Variants in ZNF117 observed in about 807,000 individuals in gnomAD.
ZNF117 encodes zinc finger protein 117, also known as Krueppel-related zinc finger protein.
ZNF117 carries 37 observed loss-of-function variants against 41.2 expected under a neutral mutation model. The ratio of observed to expected loss-of-function variants is 0.90; its 90% confidence interval spans 0.69 to 1.18. ZNF117 has a LOEUF of 1.18. ZNF117 is among the 50% of genes most tolerant of loss of function. ZNF117 has a pLI of 0.00. For missense variants in ZNF117, 546 were observed against 557.5 expected, an observed-to-expected ratio of 0.98 and a Z score of 0.21; for synonymous variants, 186 against 186.6, an observed-to-expected ratio of 1.00 and a Z score of 0.02.
At chr7:64,978,808 C>A (rs377026120) in exon 3 of ZNF117, 1 of 1,613,406 alleles carries the variant, frequency 6.2e-7, no homozygotes, top group Non-Finnish European at 8.5e-7. Flanking sequence ...AAAGCTTTGC[C>A]GCATTCTTCA....
chr7:64,984,418 T>C (rs913834844), upstream of ZNF117, among the ~76,000 whole-genome samples: 3 of 152,184 alleles, frequency 2.0e-5, no homozygotes, highest in Admixed American at 6.5e-5. Flanking sequence ...GATGAAGAAT[T>C]AGAATATTAC....
At chr7:64,978,112 T>A in exon 3 of ZNF117, 1 of 1,605,246 alleles carries the variant, frequency 6.2e-7, no homozygotes, top group Non-Finnish European at 8.5e-7. Context: ...TCAATGAGTT[T>A]TGAGGATCAG....
chr7:64,978,824 A>C lies in ZNF117; in HGVS notation c.747T>G (p.Tyr249Ter). ...AAGCTTTGCCGCATTCTTCACATTC[A>C]TAACGTTTCTCTCCGGTATGAATTA... is the stretch of plus-strand genomic sequence containing the variant. Residue 249 changes from tyrosine to a stop codon, truncating the protein, a stop_gained, in exon 3 of 3, where the codon TAT becomes TAG. Transcript: ENST00000620222. LOFTEE classifies it high-confidence loss of function. The C allele has an allele frequency of 6.2e-7, 1 of 1,613,476 alleles. No individual in the cohort carries two copies. Among genetic ancestry groups the C allele is most frequent in the Non-Finnish European group, 8.5e-7 (1 of 1,179,722 alleles).
downstream of ZNF117, chr7:64,974,401 C>A (rs904200001): frequency 6.6e-6 from 1 of 151,812 alleles, no homozygotes; most frequent in African/African-American, 2.4e-5. Context: ...GAAGATTTGG[C>A]AGTAATGAAT....
Position 64,989,452 on chromosome 7 carries a change from T to TATAC in ZNF117, c.-196+494_-196+495insGTAT, listed in dbSNP as rs1469133899. Among the ~76,000 whole-genome samples the TATAC allele has an allele frequency of 3.1e-3, 60 of 19,388 alleles. 1 individual carries two copies. The highest frequency in any genetic ancestry group is 0.015 in the South Asian group (14 of 916). 12.7% of individuals were successfully genotyped at this position (19,388 alleles called of 152,430 possible). A position where few individuals can be genotyped will look rare whatever the true frequency, so the allele number is the denominator to read the frequency against. Reference sequence around the variant, plus strand: ...AATGTAGAACTTAAAATTATATATATATATATATATATATATATATATATA... The same window carrying TATAC: ...AATGTAGAACTTAAAATTATATATATATACATATATATATATATATATATATATA... On this transcript the variant is annotated intron_variant, in intron 1 of 3. Transcript: ENST00000282869.
chr7:64,987,030 T>C (rs906601376), upstream of ZNF117, among the ~76,000 whole-genome samples: 6 of 152,102 alleles, frequency 3.9e-5, no homozygotes, highest in African/African-American at 1.4e-4. Context: ...TACTCTAAAA[T>C]TGACCACACA....
chr7:64,975,107 T>A (rs184624734), exon 3 of ZNF117: 2 of 152,078 alleles, frequency 1.3e-5, no homozygotes, highest in Non-Finnish European at 2.9e-5. Flanking sequence ...TCCACTCTGT[T>A]ATTAAATAGT....
At chr7:64,978,489 T>C in exon 3 of ZNF117, 1 of 1,613,492 alleles carries the variant, frequency 6.2e-7, no homozygotes, top group Non-Finnish European at 8.5e-7. Flanking sequence ...TCCACATTTG[T>C]AGGGTTTCTC....
chr7:64,984,939 C>T (rs539546934), upstream of ZNF117, among the ~76,000 whole-genome samples: 20 of 151,898 alleles, frequency 1.3e-4, no homozygotes, highest in Non-Finnish European at 2.4e-4. Flanking sequence ...TACAGGCACG[C>T]GCCACCACGC....
exon 3 of ZNF117, chr7:64,975,495 G>A (rs1456759818): frequency 2.0e-5 from 3 of 151,720 alleles, no homozygotes; most frequent in Non-Finnish European, 4.4e-5. Context: ...CTCTTCCATA[G>A]AAAAGGTAAA....
At chr7:64,979,313 A>G in exon 3 of ZNF117, 1 of 1,591,966 alleles carries the variant, frequency 6.3e-7, no homozygotes, top group Non-Finnish European at 8.5e-7. Flanking sequence ...AAACTTCTAC[A>G]TATTTATTAC....
chr7:64,979,458 C>T lies in ZNF117; in HGVS notation c.113G>A (p.Arg38Lys), dbSNP rs779947612. The T allele has an allele frequency of 1.2e-6, 2 of 1,602,302 alleles. No individual in the cohort carries two copies. The highest frequency in any genetic ancestry group is 4.5e-5 in the East Asian group (2 of 44,750). ...ATTCTCATATCCACATTTTCTATAT[C>T]TTCTTAGGGTCACTTTCTGGAAAGA... is the stretch of plus-strand genomic sequence containing the variant. Residue 38 changes from arginine (R) to lysine (K), a missense_variant, in exon 3 of 3, where the codon AGA becomes AAA. Coordinates refer to ENST00000620222, the Ensembl canonical transcript of ZNF117.
chr7:64,985,032 T>C (rs1455960179), upstream of ZNF117, among the ~76,000 whole-genome samples: 2 of 152,198 alleles, frequency 1.3e-5, no homozygotes, highest in African/African-American at 4.8e-5. Flanking sequence ...CCTCAGGTGA[T>C]CCACCCACCT....
At chr7:64,975,112 A>T (rs1317164723) in exon 3 of ZNF117, 1 of 151,978 alleles carries the variant, frequency 6.6e-6, no homozygotes, top group Non-Finnish European at 1.5e-5. Flanking sequence ...TCTGTTATTA[A>T]ATAGTACATT....
chr7:64,979,219 A>G, exon 3 of ZNF117: 1 of 1,609,480 alleles, frequency 6.2e-7, no homozygotes, highest in South Asian at 1.1e-5. Context: ...AGCATGCAAA[A>G]TGTTTTGCGA....
At chr7:64,973,857 A>G (rs192145159), downstream of ZNF117, 93 of 152,100 alleles carry the variant, frequency 6.1e-4, no homozygotes, top group African/African-American at 2.0e-3. Context: ...TTATCTGCAC[A>G]TGAAGAATCA....
upstream of ZNF117, among the ~76,000 whole-genome samples, chr7:64,984,893 C>T (rs1382686093): frequency 1.3e-5 from 2 of 152,110 alleles, no homozygotes; most frequent in African/African-American, 2.4e-5. Context: ...CAGGTTCAAG[C>T]GATTCACATG....
chr7:64,990,269 T>C (rs796616969), exon 1 of ZNF117: 17 of 152,348 alleles, frequency 1.1e-4, no homozygotes, highest in African/African-American at 4.1e-4. Context: ...ATGCCTATTG[T>C]TAAAAAGTCA....
rs1325650439 is a variant in ZNF117 at position 64,989,121 on chromosome 7, G to A, written c.-196+826C>T. On this transcript the variant is annotated intron_variant, in intron 1 of 3. Coordinates refer to the ZNF117 transcript ENST00000282869. ...TTAAAATTCATATAGAACTAACAAA[G>A]AGCCCGAATACCCAAGGCAATGTAT... is the stretch of plus-strand genomic sequence containing the variant. Among the ~76,000 whole-genome samples, 4 of 148,092 alleles carry A rather than the reference G, an allele frequency of 2.7e-5. No individual in the cohort carries two copies. In the East Asian group the frequency reaches 8.2e-4, roughly 30 times the overall value.
Sources: gnomAD v4.1 joint callset for allele counts (sites outside exome capture counted in the v4.1 genomes callset) on GRCh38, gnomAD v4.1.1 for gene constraint, MANE v1.5 for transcripts, NCBI Gene and HGNC (gene_info 2026-07-23, HGNC 2026-07-21) for gene names.